The following ATP10D variants were observed in gnomAD, a reference collection of about 807,000 sequenced individuals.
ATP10D encodes the protein ATPase phospholipid transporting 10D (putative).
Under a neutral mutation model 144.8 loss-of-function variants are expected in ATP10D, and 89 were observed. The observed-to-expected ratio is 0.61, with a 90% CI of 0.52 to 0.73. ATP10D has a LOEUF of 0.73. Ranked by LOEUF, ATP10D falls within the 30% of genes least tolerant of loss-of-function variation. The probability of loss-of-function intolerance (pLI) is 0.00; values close to 1 mark genes in which losing one functional copy is unlikely to be tolerated. For synonymous variants in ATP10D, 571 were observed against 615.1 expected (o/e 0.93, Z 1.06); for missense variants, 1,603 against 1,714.8 (o/e 0.93, Z 1.15).
At chr4:47,580,319 G>T in intron 19 of ATP10D, 79 bp from the exon 20 acceptor site, 3 of 1,121,386 alleles carry the variant, frequency 2.7e-6, no homozygotes, top group Admixed American at 1.8e-5. Context: ...AGAAACAAAT[G>T]TAAGTACTGG....
At chr4:47,587,303 T>A in intron 22 of ATP10D, 97 bp downstream of exon 22, 1 of 1,067,644 alleles carries the variant, frequency 9.4e-7, no homozygotes, top group Non-Finnish European at 1.4e-6. Context: ...CAGCCCACCC[T>A]GTTTAGTAGT....
intron 9 of ATP10D, among the ~76,000 whole-genome samples, chr4:47,544,648 T>C (rs1444262950): frequency 1.3e-5 from 2 of 152,230 alleles, no homozygotes; most frequent in African/African-American, 4.8e-5. Context: ...GTGATTTTGC[T>C]GAAAGCCACT....
Position 47,587,168 on chromosome 4 carries a change from A to G in ATP10D, c.3903A>G (p.Leu1301=), listed in dbSNP as rs1247278474. 2 of 1,613,840 alleles carry G rather than the reference A, an allele frequency of 1.2e-6. No individual in the cohort carries two copies. The highest frequency in any genetic ancestry group is 1.7e-6 in the Non-Finnish European group (2 of 1,179,926). Residue 1301 remains leucine, a synonymous_variant, in exon 22 of 23, where the codon TTA becomes TTG. Transcript: ENST00000273859. ...QEHMLDPVFY[L]VCILTTSIAL... is the part of the protein sequence containing the mutation. Reference sequence around the variant, plus strand: ...ACATGCTGGATCCAGTATTCTACTTAGTTTGTATCCTCACGACGTCCATTG... The same window carrying G: ...ACATGCTGGATCCAGTATTCTACTTGGTTTGTATCCTCACGACGTCCATTG...
chr4:47,507,849 C>G (rs1243934991), intron 1 of ATP10D, among the ~76,000 whole-genome samples: 1 of 151,974 alleles, frequency 6.6e-6, no homozygotes, highest in Non-Finnish European at 1.5e-5. Context: ...CTCCCTCATT[C>G]CGTGGTCAAG....
At chr4:47,522,961 G>C (rs1717027595) in intron 3 of ATP10D, 51 bp from the exon 4 acceptor site, 1 of 1,410,906 alleles carries the variant, frequency 7.1e-7, no homozygotes, top group South Asian at 1.3e-5. Context: ...AACATTGTAT[G>C]TATTTTTCAC....
At chr4:47,542,701 A>T (rs1718213145) in intron 9 of ATP10D, among the ~76,000 whole-genome samples, 1 of 151,196 alleles carries the variant, frequency 6.6e-6, no homozygotes, top group Non-Finnish European at 1.5e-5. Context: ...CTGGTCTCAA[A>T]CTCCTGACCT....
At chr4:47,573,104 T>G (rs1204070438) in intron 18 of ATP10D, 107 bp downstream of exon 18, 2 of 1,368,762 alleles carry the variant, frequency 1.5e-6, no homozygotes, top group African/African-American at 2.9e-5. Flanking sequence ...TCCTTATTGA[T>G]GTATTGGGAA....
rs1719085082 is a variant in ATP10D, at chr4:47,558,060, C to T, written c.2221C>T (p.Gln741Ter). The change falls in exon 12 of 23, where the codon CAA becomes TAA. Residue 741 changes from glutamine to a stop codon, truncating the protein, a stop_gained. Coordinates refer to ENST00000273859, the MANE Select transcript of ATP10D (RefSeq NM_020453.4). LOFTEE classifies it high-confidence loss of function. ...AALVYAARAY[Q>*]CTLRSRTPEQ... ...CTTAGTGTATGCCGCCAGGGCTTAC[C>T]AATGCACTTTACGGTCTCGGACACC... 1.2e-6 allele frequency: 2 copies of T among 1,614,202 alleles called. No homozygotes were observed. The highest frequency in any genetic ancestry group is 1.7e-6 in the Non-Finnish European group (2 of 1,180,034).
At chr4:47,546,001 A>T (rs1476794728) in intron 9 of ATP10D, among the ~76,000 whole-genome samples, 3 of 152,206 alleles carry the variant, frequency 2.0e-5, no homozygotes, top group Non-Finnish European at 2.9e-5. Flanking sequence ...AGGAGAAACT[A>T]AGAAGAAACA....
chr4:47,526,039 C>T (rs546263284), intron 5 of ATP10D, among the ~76,000 whole-genome samples: 1 of 152,250 alleles, frequency 6.6e-6, no homozygotes, highest in South Asian at 2.1e-4. Context: ...GAGCAAAGTT[C>T]CCAAATCATT....
intron 2 of ATP10D, among the ~76,000 whole-genome samples, chr4:47,513,537 A>C (rs1323034762): frequency 3.9e-5 from 6 of 152,222 alleles, no homozygotes; most frequent in African/African-American, 1.2e-4. Flanking sequence ...ACTTAATAAC[A>C]GAGGGTGGGT....
chr4:47,536,183 C>G (rs1455708701), intron 7 of ATP10D, 150 bp downstream of exon 7: 1 of 1,102,786 alleles, frequency 9.1e-7, no homozygotes, highest in African/African-American at 1.6e-5. Flanking sequence ...CATCCTTTAG[C>G]CTGAAAAATA....
At chr4:47,542,625 C>G (rs920747023) in intron 9 of ATP10D, among the ~76,000 whole-genome samples, 23 of 151,952 alleles carry the variant, frequency 1.5e-4, no homozygotes, top group East Asian at 3.9e-4. Context: ...TTACAGGTGC[C>G]CGCCACCACA....
chr4:47,492,801 CTAA>C (rs1715150634), intron 1 of ATP10D, among the ~76,000 whole-genome samples: 1 of 152,118 alleles, frequency 6.6e-6, no homozygotes, highest in Admixed American at 6.6e-5. Context: ...AACAAAATAA[CTAA>C]TGTTACCACC....
intron 20 of ATP10D, 94 bp from the exon 21 acceptor site, chr4:47,581,865 AG>A (rs1720535683): frequency 3.2e-6 from 3 of 936,014 alleles, no homozygotes; most frequent in Non-Finnish European, 5.2e-6. Context: ...ACCTTGTAGA[AG>A]GGATTCAAGC....
intron 3 of ATP10D, 59 bp from the exon 4 acceptor site, chr4:47,522,952 AC>A (rs1163340142): frequency 1.7e-5 from 23 of 1,359,176 alleles, no homozygotes; most frequent in East Asian, 5.0e-5. Context: ...TTTAAAAAAA[AC>A]ATTGTATGTA....
intron 22 of ATP10D, 114 bp downstream of exon 22, chr4:47,587,320 G>T: frequency 2.2e-6 from 2 of 903,700 alleles, no homozygotes; most frequent in East Asian, 2.5e-5. Flanking sequence ...TAGTGAGAAA[G>T]TCAATTTGTG....
Position 47,532,709 on chromosome 4 carries a change from T to G in ATP10D, c.777-2800T>G, listed in dbSNP as rs562142957. Among the ~76,000 whole-genome samples the G allele has an allele frequency of 4.6e-5, 7 of 152,340 alleles. No homozygotes were observed. The South Asian group carries it at 1.4e-3, about 32-fold the overall frequency. On this transcript the variant is annotated intron_variant, in intron 5 of 22. Coordinates refer to ENST00000273859, the MANE Select transcript of ATP10D (RefSeq NM_020453.4). ...GTCTATATGACACCTTCTTTGATCT[T>G]CATGCTCTAAGGTAGAACTGACATC...
At chr4:47,538,999 C>T (rs1717993517) in intron 9 of ATP10D, among the ~76,000 whole-genome samples, 1 of 152,144 alleles carries the variant, frequency 6.6e-6, no homozygotes, top group South Asian at 2.1e-4. Flanking sequence ...CCACTTCTGC[C>T]ACACAGCATA....
Sources: allele counts gnomAD v4.1 joint callset (sites outside exome capture counted in the v4.1 genomes callset), GRCh38; gene constraint gnomAD v4.1.1; transcripts MANE v1.5; gene names NCBI Gene and HGNC (gene_info 2026-07-23, HGNC 2026-07-21).